MED13L: variants seen among roughly 807,000 people sequenced by gnomAD.
MED13L encodes the protein mediator complex subunit 13L, also known as mediator of RNA polymerase II transcription subunit 13-like.
In MED13L, 7 loss-of-function variants were observed where a neutral mutation model predicts 220.9. The ratio of observed to expected loss-of-function variants is 0.03; its 90% CI spans 0.02 to 0.06. MED13L has a LOEUF of 0.06. MED13L is among the 10% of genes least tolerant of loss of function. MED13L has a pLI of 1.00. For synonymous variants in MED13L, 1,011 were observed against 1,015.2 expected, an observed-to-expected ratio of 1.00 and a Z score of 0.08; for missense variants, 1,965 against 2,760.5, an observed-to-expected ratio of 0.71 and a Z score of 6.46.
intron 2 of MED13L, among the ~76,000 whole-genome samples, chr12:116,186,265 A>C (rs1880896297): frequency 6.6e-6 from 1 of 152,172 alleles, no homozygotes; most frequent in Non-Finnish European, 1.5e-5. Context: ...ATCCTACTTG[A>C]CTGAGAACCC....
intron 4 of MED13L, among the ~76,000 whole-genome samples, chr12:116,032,970 G>C (rs1880946955): frequency 6.6e-6 from 1 of 152,032 alleles, no homozygotes; most frequent in Non-Finnish European, 1.5e-5. Flanking sequence ...ATATAGGAAA[G>C]GGTGGCGGGG....
chr12:116,211,755 C>T (rs117760814), intron 2 of MED13L, among the ~76,000 whole-genome samples: 105 of 152,262 alleles, frequency 6.9e-4, no homozygotes, highest in Middle Eastern at 3.4e-3. Flanking sequence ...TCACAAGTCC[C>T]AAATACCTCT....
At chr12:116,243,297 ATT>A (rs1304117571) in intron 1 of MED13L, among the ~76,000 whole-genome samples, 2 of 152,064 alleles carry the variant, frequency 1.3e-5, no homozygotes, top group Non-Finnish European at 2.9e-5. Context: ...GAGGATGCAA[ATT>A]TTTTTGTGAA....
chr12:115,999,962 C>T (rs1008970022), intron 14 of MED13L, among the ~76,000 whole-genome samples: 6 of 152,190 alleles, frequency 3.9e-5, no homozygotes, highest in Non-Finnish European at 8.8e-5. Context: ...CTCAGTCTGT[C>T]TCACTTCAAT....
intron 2 of MED13L, among the ~76,000 whole-genome samples, chr12:116,138,336 G>T (rs1374568497): frequency 6.6e-6 from 1 of 152,122 alleles, no homozygotes; most frequent in African/African-American, 2.4e-5. Context: ...ACATATCAGG[G>T]TTTGTTGCTG....
At chr12:116,151,429 T>C (rs760770077) in intron 2 of MED13L, among the ~76,000 whole-genome samples, 8 of 152,196 alleles carry the variant, frequency 5.3e-5, no homozygotes, top group Non-Finnish European at 1.2e-4. Context: ...GAAACTCCAT[T>C]AGCAAGGTGT....
At chr12:115,973,973 A>T (rs185818501) in intron 25 of MED13L, among the ~76,000 whole-genome samples, 18 of 152,340 alleles carry the variant, frequency 1.2e-4, no homozygotes, top group African/African-American at 3.1e-4. Flanking sequence ...GCATTCCTAC[A>T]GTGCAAGTTA....
At chr12:115,961,729 G>T in intron 30 of MED13L, 1 of 375,970 alleles carries the variant, frequency 2.7e-6, no homozygotes, top group Non-Finnish European at 5.1e-6. Context: ...AGCAACTTTG[G>T]GAGGCCGAGG....
chr12:116,069,009 T>C lies in MED13L; in HGVS notation c.479+27660A>G, dbSNP rs567517548. ...AGTGCCATGAGAATGATAAAGGCAG[T>C]GCCTCCCTTGAAGTGTCTGAGAAAA... is the stretch of plus-strand genomic sequence containing the variant. On this transcript the variant is annotated intron_variant, in intron 4 of 30. Transcript: ENST00000281928. 1.1e-3 allele frequency among the ~76,000 whole-genome samples: 160 copies of C among 152,330 alleles called. 3 individuals are homozygous for C. The highest frequency in any genetic ancestry group is 0.01 in the Middle Eastern group (3 of 294).
chr12:116,039,123 G>A (rs943968692), intron 4 of MED13L, among the ~76,000 whole-genome samples: 4 of 152,134 alleles, frequency 2.6e-5, no homozygotes, highest in African/African-American at 9.7e-5. Flanking sequence ...TCTATTCACC[G>A]TAATGATTCT....
At chr12:116,105,396 T>C (rs1231116585) in intron 3 of MED13L, among the ~76,000 whole-genome samples, 1 of 152,216 alleles carries the variant, frequency 6.6e-6, no homozygotes, top group African/African-American at 2.4e-5. Flanking sequence ...GCGCATTTTA[T>C]CATTCTGTGC....
chr12:116,019,548 A>T, intron 6 of MED13L, 136 bp from the exon 7 acceptor site: 1 of 1,141,656 alleles, frequency 8.8e-7, no homozygotes, highest in Non-Finnish European at 1.3e-6. Context: ...TTCTTTCATA[A>T]GTTAATAGCT....
At chr12:116,131,796 T>C (rs1003320089) in intron 2 of MED13L, among the ~76,000 whole-genome samples, 2 of 150,966 alleles carry the variant, frequency 1.3e-5, no homozygotes, top group African/African-American at 4.9e-5. Context: ...CTGGGCAACA[T>C]GGCAAAACCT....
At chr12:116,156,727 G>C (rs1415941834) in intron 2 of MED13L, among the ~76,000 whole-genome samples, 2 of 152,144 alleles carry the variant, frequency 1.3e-5, no homozygotes, top group Non-Finnish European at 2.9e-5. Flanking sequence ...CAAATTAGAG[G>C]ATATATAACT....
intron 2 of MED13L, among the ~76,000 whole-genome samples, chr12:116,187,248 C>T (rs1880960441): frequency 6.6e-6 from 1 of 152,234 alleles, no homozygotes; most frequent in African/African-American, 2.4e-5. Context: ...AGAGCCCCTC[C>T]TCTCTCACTT....
chr12:116,135,208 A>G (rs189713309), intron 2 of MED13L, among the ~76,000 whole-genome samples: 26 of 152,276 alleles, frequency 1.7e-4, no homozygotes, highest in Admixed American at 9.2e-4. Flanking sequence ...ACAACACATA[A>G]TCTCTATGGG....
chr12:116,030,181 G>A lies in MED13L; in HGVS notation c.480-7580C>T, dbSNP rs567912407. 2.0e-5 allele frequency among the ~76,000 whole-genome samples: 3 copies of A among 152,088 alleles called. 1 individual carries two copies. In the South Asian group the frequency reaches 6.2e-4, roughly 32 times the overall value. The stretch of plus-strand genomic sequence containing the variant: ...CGGGGATTCACCATTTTGGCTAGGT[G>A]GTCTCAAATTTCCGACCTCAGGTGA... On this transcript the variant is annotated intron_variant, in intron 4 of 30. Transcript: ENST00000281928.
chr12:116,006,928 G>C (rs1480919216), intron 11 of MED13L: 1 of 204,828 alleles, frequency 4.9e-6, no homozygotes. Context: ...TCATTTTTAT[G>C]ATGATGAAAC....
intron 2 of MED13L, among the ~76,000 whole-genome samples, chr12:116,142,088 C>T (rs1418344856): frequency 6.6e-6 from 1 of 152,106 alleles, no homozygotes. Context: ...CCTCATATGC[C>T]ACCCAATCAG....
Sources: gnomAD v4.1 joint callset for allele counts (sites outside exome capture counted in the v4.1 genomes callset) on GRCh38, gnomAD v4.1.1 for gene constraint, MANE v1.5 for transcripts, NCBI Gene and HGNC (gene_info 2026-07-23, HGNC 2026-07-21) for gene names.